Variants in MRAS observed in about 807,000 individuals in gnomAD.
MRAS encodes muscle RAS oncogene homolog, also known as ras-related protein M-Ras.
Under a neutral mutation model 20.9 loss-of-function variants are expected in MRAS, and 4 were observed. The observed-to-expected ratio is 0.19, with a 90% confidence interval of 0.09 to 0.44. MRAS has a LOEUF of 0.44. Among genes scored for constraint, MRAS ranks in the 20% least tolerant of loss-of-function variants. MRAS has a pLI of 0.99. For missense variants in MRAS, 154 were observed against 277.5 expected, an observed-to-expected ratio of 0.56 and a Z score of 3.16; for synonymous variants, 98 against 102.9, an observed-to-expected ratio of 0.95 and a Z score of 0.29.
chr3:138,380,162 A>G (rs990621377), intron 2 of MRAS, among the ~76,000 whole-genome samples: 9 of 152,194 alleles, frequency 5.9e-5, no homozygotes, highest in African/African-American at 2.2e-4. Flanking sequence ...AGAAATGCCT[A>G]TTCAGGTCTT....
At chr3:138,376,627 A>G (rs1385602704) in intron 2 of MRAS, among the ~76,000 whole-genome samples, 1 of 152,238 alleles carries the variant, frequency 6.6e-6, no homozygotes, top group African/African-American at 2.4e-5. Context: ...ATATATAACT[A>G]TTAAAATTAA....
chr3:138,350,498 C>G (rs1456768229), intron 1 of MRAS: 1 of 152,082 alleles, frequency 6.6e-6, no homozygotes, highest in Non-Finnish European at 1.5e-5. Context: ...TGGAAACTGA[C>G]CCCCTAGATG....
intron 2 of MRAS, among the ~76,000 whole-genome samples, chr3:138,384,310 A>G (rs1425430094): frequency 2.0e-5 from 3 of 152,192 alleles, no homozygotes; most frequent in African/African-American, 7.2e-5. Flanking sequence ...TGTGAACGGA[A>G]CACAGAGGAA....
In MRAS at chr3:138,373,161, AT is replaced by A. The variant is rs1235326004; in HGVS notation, c.193+86del. ...ATTTGACAGGTTTCAGTGGGGCAAG[AT>A]GGTTTCCTTAATGTTGCTGTTATGG... is the stretch of plus-strand genomic sequence containing the variant. On this transcript the variant is annotated intron_variant, in intron 2 of 5. Coordinates refer to ENST00000423968, the MANE Select transcript of MRAS (RefSeq NM_001085049.3). 5 of 1,215,614 alleles carry A rather than the reference AT, an allele frequency of 4.1e-6. No individual in the cohort carries two copies. The African/African-American group carries it at 6.4e-5, about 16-fold the overall frequency. 75.3% of individuals were successfully genotyped at this position (1,215,614 alleles called of 1,614,324 possible).
intron 5 of MRAS, among the ~76,000 whole-genome samples, chr3:138,401,573 T>C (rs535831413): frequency 2.6e-5 from 4 of 152,294 alleles, no homozygotes; most frequent in Admixed American, 2.0e-4. Context: ...AGAGGATTGC[T>C]TGAGGCTAGG....
At chr3:138,353,939 C>T (rs960845981) in intron 1 of MRAS, among the ~76,000 whole-genome samples, 14 of 152,208 alleles carry the variant, frequency 9.2e-5, no homozygotes, top group African/African-American at 3.1e-4. Context: ...ATGCTCCTTC[C>T]GTTAGACCGT....
intron 1 of MRAS, among the ~76,000 whole-genome samples, chr3:138,361,023 G>A (rs1239373474): frequency 6.6e-6 from 1 of 152,222 alleles, no homozygotes; most frequent in East Asian, 1.9e-4. Flanking sequence ...ATGCCTCTTG[G>A]TGAAGCGTCT....
rs1024403114 is a variant in MRAS, at chr3:138,403,498, T to C, written c.*1229T>C. The stretch of plus-strand genomic sequence containing the variant: ...TTGTAAAAGTAGTACTAGGTTGCCT[T>C]TTTGGCAATTTTTATTGACCTGTTG... On this transcript the variant is annotated 3_prime_UTR_variant, in exon 6 of 6. Transcript: ENST00000423968. 6.6e-6 allele frequency: 1 copy of C among 152,590 alleles called. No individual in the cohort carries two copies. The highest frequency in any genetic ancestry group is 1.5e-5 in the Non-Finnish European group (1 of 68,046). 9.5% of individuals were successfully genotyped at this position (152,590 alleles called of 1,614,324 possible).
chr3:138,358,921 G>T (rs1165889189), intron 1 of MRAS, among the ~76,000 whole-genome samples: 1 of 152,220 alleles, frequency 6.6e-6, no homozygotes, highest in Non-Finnish European at 1.5e-5. Flanking sequence ...GCCCAGCCTG[G>T]TTCCGCCTCC....
chr3:138,391,105 C>G (rs779883617), intron 2 of MRAS, among the ~76,000 whole-genome samples: 9 of 152,078 alleles, frequency 5.9e-5, no homozygotes, highest in Non-Finnish European at 1.2e-4. Context: ...CAGCTACTTT[C>G]CCCTCCTCCT....
intron 2 of MRAS, among the ~76,000 whole-genome samples, chr3:138,385,338 G>T (rs1287360381): frequency 6.6e-6 from 1 of 150,504 alleles, no homozygotes; most frequent in African/African-American, 2.4e-5. Context: ...TAGAGACGGG[G>T]TTCTCACTTT....
At chr3:138,393,740 A>T (rs2055176561) in intron 2 of MRAS, among the ~76,000 whole-genome samples, 1 of 151,348 alleles carries the variant, frequency 6.6e-6, no homozygotes, top group Admixed American at 6.6e-5. Context: ...CCTAGGCTGG[A>T]GTGCAATGGC....
In MRAS at chr3:138,403,719, A is replaced by G. The variant is rs1048942081; in HGVS notation, c.*1450A>G. The G allele has an allele frequency of 2.6e-5, 4 of 152,812 alleles. No homozygotes were observed. The highest frequency in any genetic ancestry group is 4.1e-4 in the South Asian group (2 of 4,830). 9.5% of individuals were successfully genotyped at this position (152,812 alleles called of 1,614,324 possible). A position where few individuals can be genotyped will look rare whatever the true frequency, so the allele number is the denominator to read the frequency against. Reference sequence around the variant, plus strand: ...GTGGGAGTGGAGAGACAACAGGAACAACGCTGCACCAAAGAAAAGGTCAGA... The same window carrying G: ...GTGGGAGTGGAGAGACAACAGGAACGACGCTGCACCAAAGAAAAGGTCAGA... On this transcript the variant is annotated 3_prime_UTR_variant, in exon 6 of 6. Transcript: ENST00000423968.
At chr3:138,395,140 A>G (rs1371123169) in intron 2 of MRAS, among the ~76,000 whole-genome samples, 1 of 151,746 alleles carries the variant, frequency 6.6e-6, no homozygotes, top group Non-Finnish European at 1.5e-5. Context: ...TCCTGGGTTC[A>G]AGTGATTCTC....
intron 2 of MRAS, among the ~76,000 whole-genome samples, chr3:138,394,862 T>C (rs2055202864): frequency 6.6e-6 from 1 of 152,154 alleles, no homozygotes; most frequent in South Asian, 2.1e-4. Flanking sequence ...GGCCTTGGTC[T>C]GGTCACTTCC....
intron 1 of MRAS, among the ~76,000 whole-genome samples, chr3:138,354,101 T>C (rs1002938067): frequency 1.3e-5 from 2 of 152,102 alleles, no homozygotes; most frequent in Non-Finnish European, 2.9e-5. Flanking sequence ...TGCACAAAGA[T>C]GTGGTGAGGC....
chr3:138,362,786 G>T (rs2054475958), intron 1 of MRAS, among the ~76,000 whole-genome samples: 2 of 147,684 alleles, frequency 1.4e-5, no homozygotes, highest in Non-Finnish European at 3.1e-5. Context: ...TGTGTGGCAG[G>T]CACCGTGCGT....
At chr3:138,350,823 G>A (rs1340596881) in intron 1 of MRAS, among the ~76,000 whole-genome samples, 1 of 151,752 alleles carries the variant, frequency 6.6e-6, no homozygotes, top group African/African-American at 2.4e-5. Flanking sequence ...TGCACCTGTA[G>A]TCTTAGCTAC....
At chr3:138,353,270 T>C (rs964861606) in intron 1 of MRAS, among the ~76,000 whole-genome samples, 1 of 151,870 alleles carries the variant, frequency 6.6e-6, no homozygotes, top group Admixed American at 6.6e-5. Flanking sequence ...AAAAAGAAAA[T>C]TTTTAAAAGT....
Sources: gnomAD v4.1 joint callset for allele counts (sites outside exome capture counted in the v4.1 genomes callset) on GRCh38, gnomAD v4.1.1 for gene constraint, MANE v1.5 for transcripts, NCBI Gene and HGNC (gene_info 2026-07-23, HGNC 2026-07-21) for gene names.